The following WNT7B variants were observed in gnomAD, a reference collection of about 807,000 sequenced individuals.
The protein encoded by WNT7B is protein Wnt-7b.
Under a neutral mutation model 38.2 loss-of-function variants are expected in WNT7B, and 19 were observed. The observed-to-expected ratio is 0.50, with a 90% CI of 0.35 to 0.73. The LOEUF (loss-of-function observed/expected upper bound fraction) is 0.73, where lower values mean the gene tolerates loss of function less well. Among genes scored for constraint, WNT7B ranks in the 30% least tolerant of loss-of-function variants. The pLI is 0.01. For synonymous variants in WNT7B, 243 were observed against 209.3 expected (o/e 1.16, Z -1.39); for missense variants, 423 against 507.9 (o/e 0.83, Z 1.61).
At chr22:45,967,530 G>A (rs542342447) in intron 1 of WNT7B, among the ~76,000 whole-genome samples, 10 of 152,270 alleles carry the variant, frequency 6.6e-5, no homozygotes, top group East Asian at 5.8e-4. Flanking sequence ...GCCCTGGGCC[G>A]ATGGCCTAGA....
intron 1 of WNT7B, among the ~76,000 whole-genome samples, chr22:45,960,779 G>A (rs1011544798): frequency 5.9e-5 from 9 of 152,254 alleles, no homozygotes; most frequent in Non-Finnish European, 1.2e-4. Flanking sequence ...CCTGGCCTCC[G>A]TACCCACCCA....
intron 1 of WNT7B, among the ~76,000 whole-genome samples, chr22:45,969,374 C>A (rs1932382807): frequency 6.6e-6 from 1 of 152,236 alleles, no homozygotes. Flanking sequence ...GCGGAAGAGA[C>A]CTGCCTGGGA....
intron 2 of WNT7B, among the ~76,000 whole-genome samples, chr22:45,932,429 G>C (rs1347852262): frequency 6.8e-6 from 1 of 146,162 alleles, no homozygotes; most frequent in East Asian, 1.9e-4. Context: ...CCCCCCGCCA[G>C]AAGGGAGCAC....
chr22:45,928,217 C>T (rs1239631530), intron 3 of WNT7B, among the ~76,000 whole-genome samples: 1 of 152,158 alleles, frequency 6.6e-6, no homozygotes, highest in Non-Finnish European at 1.5e-5. Context: ...AGCTGGGGGG[C>T]AGGGGCAGGC....
intron 3 of WNT7B, chr22:45,927,514 T>TTTACAGATG: frequency 6.5e-7 from 1 of 1,539,560 alleles, no homozygotes; most frequent in Non-Finnish European, 8.8e-7. Context: ...AAGTAGGGCC[T>TTTACAGATG]TTACAGATGT....
At chr22:45,925,749 C>A (rs972811960) in intron 3 of WNT7B, 10 of 985,448 alleles carry the variant, frequency 1.0e-5, no homozygotes, top group Non-Finnish European at 1.2e-5. Flanking sequence ...ACCCCAGGAG[C>A]TGCCCTGATG....
Position 45,923,029 on chromosome 22 carries a change from G to C in WNT7B, c.877C>G (p.Leu293Val), listed in dbSNP as rs756976010. The C allele has an allele frequency of 6.2e-7, 1 of 1,612,860 alleles. No individual in the cohort carries two copies. Among genetic ancestry groups the C allele is most frequent in the Non-Finnish European group, 8.5e-7 (1 of 1,179,588 alleles). Residue 293 changes from leucine (L) to valine (V), a missense_variant, in exon 4 of 4, where the codon CTC becomes GTC. Physicochemically the swap from Leu to Val is conservative, Grantham distance 32 (BLOSUM62 1). This residue lies in a region of WNT7B where 158 missense variants were observed against 214.7 expected (regional missense o/e 0.74). Transcript: ENST00000339464. ...GCGCCGGGCGACGTGCGGTTGCAGA[G>C]ACGGCCCTGCGTGCCCACGCTGCCC... is the stretch of plus-strand genomic sequence containing the variant. ...ATGSVGTQGR[L>V]CNRTSPGADG...
chr22:45,965,067 G>A lies in WNT7B; in HGVS notation c.71+11617C>T, dbSNP rs1023601980. 5.9e-5 allele frequency among the ~76,000 whole-genome samples: 9 copies of A among 151,638 alleles called. No individual in the cohort carries two copies. The highest frequency in any genetic ancestry group is 1.7e-4 in the African/African-American group (7 of 41,236). ...CCCCAGACCCGAGATCACTGCCTCC[G>A]GCCCCGCCCCCACCTCACCTTCCCC... On this transcript the variant is annotated intron_variant, in intron 1 of 3. Transcript: ENST00000339464. The surrounding 1 kb of genome is among the most constrained non-coding windows in gnomAD (Gnocchi z 6.5).
intron 3 of WNT7B, among the ~76,000 whole-genome samples, chr22:45,929,708 CCACCCGTGAATCCACT>C (rs967145311): frequency 4.1e-5 from 6 of 148,100 alleles, no homozygotes; most frequent in Non-Finnish European, 8.9e-5. Flanking sequence ...ATCTTTCCAT[CCACCCGTGAATCCACT>C]CACCCATCCA....
chr22:45,971,212 G>T (rs1393705475), intron 1 of WNT7B, among the ~76,000 whole-genome samples: 1 of 145,206 alleles, frequency 6.9e-6, no homozygotes, highest in South Asian at 2.3e-4. Flanking sequence ...CGCGTCAGGC[G>T]ACCCCGGACG....
rs183319567 is a variant in WNT7B at position 45,923,496 on chromosome 22, C to T, written c.571-161G>A. ...CCCTCTCTGACCCTCAGCCTCCTCA[C>T]CTATTACATGGGGCTGCTAACAATA... On this transcript the variant is annotated intron_variant, in intron 3 of 3. Transcript: ENST00000339464. Among the ~76,000 whole-genome samples, 79 of 152,322 alleles carry T rather than the reference C, an allele frequency of 5.2e-4. 1 individual carries two copies. The highest frequency in any genetic ancestry group is 3.8e-3 in the Admixed American group (58 of 15,304).
intron 1 of WNT7B, among the ~76,000 whole-genome samples, chr22:45,956,637 A>G (rs1932069038): frequency 6.6e-6 from 1 of 152,238 alleles, no homozygotes; most frequent in African/African-American, 2.4e-5. Flanking sequence ...CTATAGCACA[A>G]ATGGGAAACA....
intron 1 of WNT7B, among the ~76,000 whole-genome samples, chr22:45,970,680 C>T (rs1932415090): frequency 6.6e-6 from 1 of 152,268 alleles, no homozygotes; most frequent in Non-Finnish European, 1.5e-5. Flanking sequence ...TCTAGCAAGG[C>T]CTAAGGCTGA....
Position 45,922,715 on chromosome 22 carries a change from G to A in WNT7B, c.*141C>T. On this transcript the variant is annotated 3_prime_UTR_variant, in exon 4 of 4. Transcript: ENST00000339464. ...GGGCAGAGGGCGTGGGCCCCGGCCG[G>A]TGCCCTCCTGCACCTGGAGCTCCCC... 1 of 1,367,132 alleles carries A rather than the reference G, an allele frequency of 7.3e-7. No homozygotes were observed. Among genetic ancestry groups the A allele is most frequent in the South Asian group, 1.5e-5 (1 of 68,698 alleles). The allele number at this position is 1,367,132 out of a possible 1,614,324, so 84.7% of individuals were successfully genotyped here. A position where few individuals can be genotyped will look rare whatever the true frequency, so the allele number is the denominator to read the frequency against.
At position 45,965,382 on chromosome 22, in the gene WNT7B, C is replaced by T. The variant is rs1040308109; in HGVS notation, c.71+11302G>A. Among the ~76,000 whole-genome samples, 1 of 152,214 alleles carries T rather than the reference C, an allele frequency of 6.6e-6. No homozygotes were observed. The highest frequency in any genetic ancestry group is 6.5e-5 in the Admixed American group (1 of 15,286). ...TTCCTTCCCAGTCACACCTGCACAC[C>T]TGGCCAGCCCTGATAACCCACCCGC... is the stretch of plus-strand genomic sequence containing the variant. On this transcript the variant is annotated intron_variant, in intron 1 of 3. Transcript: ENST00000339464. The surrounding 1 kb of genome is among the most constrained non-coding windows in gnomAD (Gnocchi z 6.5).
intron 1 of WNT7B, among the ~76,000 whole-genome samples, chr22:45,955,114 G>A (rs1932027935): frequency 6.6e-6 from 1 of 152,250 alleles, no homozygotes; most frequent in African/African-American, 2.4e-5. Context: ...AGGCTGTGCA[G>A]CAATTCATTC....
At chr22:45,952,403 C>T (rs1931954855) in intron 1 of WNT7B, among the ~76,000 whole-genome samples, 1 of 152,220 alleles carries the variant, frequency 6.6e-6, no homozygotes, top group Non-Finnish European at 1.5e-5. Context: ...CTGGGTCTCC[C>T]ATGGGCACAA....
chr22:45,973,673 C>A (rs980721444), intron 1 of WNT7B, among the ~76,000 whole-genome samples: 2 of 152,164 alleles, frequency 1.3e-5, no homozygotes, highest in African/African-American at 4.8e-5. Context: ...GCCGCTCAGT[C>A]CAAAAAGGGC....
At chr22:45,942,160 A>G (rs1243551697) in intron 2 of WNT7B, among the ~76,000 whole-genome samples, 2 of 151,890 alleles carry the variant, frequency 1.3e-5, no homozygotes, top group Admixed American at 1.3e-4. Flanking sequence ...GTGAGGAGAC[A>G]CCCCCGGGCC....
Sources: gnomAD v4.1 joint callset for allele counts (sites outside exome capture counted in the v4.1 genomes callset) on GRCh38, gnomAD v4.1.1 for gene constraint, gnomAD v4.1.1 regional missense constraint, Gnocchi (gnomAD v3.1) non-coding constraint, MANE v1.5 for transcripts, NCBI Gene and HGNC (gene_info 2026-07-23, HGNC 2026-07-21) for gene names.